USP8: variants seen among roughly 807,000 people sequenced by gnomAD.
USP8 encodes the protein ubiquitin carboxyl-terminal hydrolase 8.
A neutral mutation model predicts 130.0 loss-of-function variants in USP8; 27 were observed. That is an observed-to-expected ratio of 0.21 (90% CI 0.15 to 0.29). USP8 has a LOEUF of 0.29. Among genes scored for constraint, USP8 ranks in the 10% least tolerant of loss-of-function variants. The pLI is 1.00. For missense variants in USP8, 1,029 were observed against 1,312.2 expected (o/e 0.78, Z 3.33); for synonymous variants, 392 against 444.1 (o/e 0.88, Z 1.48).
rs1052122153 is a variant in USP8 at position 50,490,248 on chromosome 15, T to C, written c.1972-15T>C. The C allele has an allele frequency of 5.7e-6, 9 of 1,579,808 alleles. No individual in the cohort carries two copies. Among genetic ancestry groups the C allele is most frequent in the Non-Finnish European group, 6.8e-6 (8 of 1,168,544 alleles). The stretch of plus-strand genomic sequence containing the variant: ...TTGTTTTTTGACCTGTTTTTTTTTT[T>C]CTTTTCCATCTAAGTTTCTTGACCC... On this transcript the variant is annotated splice_polypyrimidine_tract_variant and intron_variant, in intron 13 of 19. Transcript: ENST00000307179.
intron 1 of USP8, among the ~76,000 whole-genome samples, chr15:50,428,542 A>G (rs1567591817): frequency 1.3e-5 from 2 of 152,196 alleles, no homozygotes; most frequent in Admixed American, 6.5e-5. Context: ...TTTTCCCTAT[A>G]TATACATTTT....
At chr15:50,445,905 G>C (rs2050425401) in intron 3 of USP8, among the ~76,000 whole-genome samples, 1 of 151,368 alleles carries the variant, frequency 6.6e-6, no homozygotes. Flanking sequence ...AATTTAGCAA[G>C]CTCTCTCAAT....
chr15:50,474,341 G>C (rs1484232505), intron 8 of USP8, among the ~76,000 whole-genome samples: 1 of 152,138 alleles, frequency 6.6e-6, no homozygotes, highest in Non-Finnish European at 1.5e-5. Flanking sequence ...ACTGAATGCT[G>C]GTGAGCATGT....
intron 1 of USP8, among the ~76,000 whole-genome samples, chr15:50,433,539 C>T (rs1003408373): frequency 6.6e-6 from 1 of 152,146 alleles, no homozygotes; most frequent in Non-Finnish European, 1.5e-5. Flanking sequence ...TTTGTGGTTC[C>T]AGTCATCAAA....
chr15:50,426,719 T>A (rs563394668), intron 1 of USP8, among the ~76,000 whole-genome samples: 1 of 152,238 alleles, frequency 6.6e-6, no homozygotes, highest in African/African-American at 2.4e-5. Context: ...AAGCTGCCAG[T>A]CTCCCAAAAA....
intron 16 of USP8, among the ~76,000 whole-genome samples, chr15:50,495,492 G>GA (rs199524459): frequency 6.7e-6 from 1 of 149,428 alleles, no homozygotes; most frequent in Non-Finnish European, 1.5e-5. Context: ...TTGGAGGGGG[G>GA]GGTCTCACTA....
intron 4 of USP8, among the ~76,000 whole-genome samples, chr15:50,454,455 C>CT (rs112075064): frequency 0.27 from 36,705 of 134,880 alleles, 5,304 homozygotes; most frequent in East Asian, 0.47. Flanking sequence ...ATTTTCTTTT[C>CT]TTTTTTTTTT....
intron 6 of USP8, among the ~76,000 whole-genome samples, chr15:50,464,218 G>C (rs941629137): frequency 5.3e-5 from 8 of 152,134 alleles, no homozygotes; most frequent in African/African-American, 1.9e-4. Context: ...GATGGCCATA[G>C]TTTTTCAACC....
At chr15:50,492,958 A>T (rs377751496) in intron 15 of USP8, 45 bp downstream of exon 15, 10 of 1,529,596 alleles carry the variant, frequency 6.5e-6, no homozygotes, top group Non-Finnish European at 8.1e-6. Context: ...TAAAAGGATG[A>T]TCTAACCATA....
intron 8 of USP8, among the ~76,000 whole-genome samples, chr15:50,472,540 T>C (rs1157456095): frequency 6.9e-6 from 1 of 145,960 alleles, no homozygotes; most frequent in African/African-American, 2.6e-5. Context: ...GAGTTTGCAG[T>C]GAGCAGAGAT....
chr15:50,454,988 T>C (rs2050747195), intron 4 of USP8, among the ~76,000 whole-genome samples: 1 of 151,802 alleles, frequency 6.6e-6, no homozygotes, highest in African/African-American at 2.4e-5. Flanking sequence ...TTGCCCAGGA[T>C]GGTTCTCCCT....
At chr15:50,445,332 G>A (rs982988988) in intron 3 of USP8, among the ~76,000 whole-genome samples, 2 of 145,872 alleles carry the variant, frequency 1.4e-5, no homozygotes, top group African/African-American at 2.5e-5. Flanking sequence ...GATCACTTGC[G>A]GTCAGGAGTT....
At chr15:50,488,739 ATT>A (rs879657589) in intron 12 of USP8, among the ~76,000 whole-genome samples, 3 of 140,412 alleles carry the variant, frequency 2.1e-5, no homozygotes, top group Non-Finnish European at 3.1e-5. Flanking sequence ...TAATTTTTGG[ATT>A]TTTTTTTTTT....
chr15:50,462,060 A>G (rs938331443), intron 5 of USP8, among the ~76,000 whole-genome samples: 7 of 151,886 alleles, frequency 4.6e-5, no homozygotes, highest in Non-Finnish European at 1.0e-4. Flanking sequence ...ATTTTGAGGA[A>G]ATGTTCTATG....
intron 3 of USP8, among the ~76,000 whole-genome samples, chr15:50,445,979 G>C (rs1330374292): frequency 6.6e-6 from 1 of 152,002 alleles, no homozygotes; most frequent in Non-Finnish European, 1.5e-5. Flanking sequence ...ATTCTTTCAG[G>C]GTTATCTGAA....
chr15:50,490,126 T>C, intron 13 of USP8, 137 bp from the exon 14 acceptor site: 2 of 1,035,190 alleles, frequency 1.9e-6, no homozygotes, highest in South Asian at 1.7e-5. Flanking sequence ...TAAATTTCTT[T>C]TGAAGTTTAT....
intron 12 of USP8, among the ~76,000 whole-genome samples, chr15:50,488,120 A>C (rs1414188009): frequency 6.6e-6 from 1 of 152,190 alleles, no homozygotes; most frequent in Non-Finnish European, 1.5e-5. Context: ...GTGGAAGTCC[A>C]TTCTGTCATA....
chr15:50,493,984 T>C, intron 15 of USP8, 86 bp from the exon 16 acceptor site: 1 of 1,438,190 alleles, frequency 7.0e-7, no homozygotes, highest in Non-Finnish European at 9.7e-7. Context: ...TGTGAATAAT[T>C]TCATGTTGAC....
chr15:50,454,438 T>C (rs2050723048), intron 4 of USP8, among the ~76,000 whole-genome samples: 1 of 151,156 alleles, frequency 6.6e-6, no homozygotes, highest in African/African-American at 2.4e-5. Flanking sequence ...GTTTTTCAGA[T>C]TGGATAATTT....
Sources: gnomAD v4.1 joint callset for allele counts (sites outside exome capture counted in the v4.1 genomes callset) on GRCh38, gnomAD v4.1.1 for gene constraint, MANE v1.5 for transcripts, NCBI Gene and HGNC (gene_info 2026-07-23, HGNC 2026-07-21) for gene names.